SNTG2: variants seen among roughly 807,000 people sequenced by gnomAD.
The protein encoded by SNTG2 is gamma-2-syntrophin.
In SNTG2, 74 loss-of-function variants were observed where a neutral mutation model predicts 70.9. That is an observed-to-expected ratio of 1.04 (90% CI 0.86 to 1.27). The LOEUF is 1.27. Among genes scored for constraint, SNTG2 ranks in the 50% most tolerant of loss-of-function variants. SNTG2 has a pLI of 0.00. For synonymous variants in SNTG2, 278 were observed against 273.8 expected (o/e 1.02, Z -0.15); for missense variants, 717 against 690.7 (o/e 1.04, Z -0.43).
At chr2:1,249,991 TG>T (rs1226053259) in intron 12 of SNTG2, among the ~76,000 whole-genome samples, 2 of 152,162 alleles carry the variant, frequency 1.3e-5, no homozygotes, top group African/African-American at 2.4e-5. Context: ...CGCATGGCAC[TG>T]GGGTGAGGAC....
chr2:1,349,595 C>A (rs938197340), intron 16 of SNTG2, among the ~76,000 whole-genome samples: 2 of 152,190 alleles, frequency 1.3e-5, no homozygotes, highest in African/African-American at 4.8e-5. Context: ...GGGCCTGTGC[C>A]CAGGCATGAA....
At chr2:1,122,675 G>A (rs1237356731) in intron 4 of SNTG2, among the ~76,000 whole-genome samples, 2 of 145,922 alleles carry the variant, frequency 1.4e-5, no homozygotes, top group South Asian at 4.3e-4. Context: ...CAGTCTTGCC[G>A]ATTTTATTCA....
intron 16 of SNTG2, among the ~76,000 whole-genome samples, chr2:1,356,426 T>C (rs887427292): frequency 1.3e-5 from 2 of 152,246 alleles, no homozygotes; most frequent in African/African-American, 4.8e-5. Flanking sequence ...TTCACAGCAC[T>C]ATTTATTGAG....
intron 1 of SNTG2, among the ~76,000 whole-genome samples, chr2:1,073,054 T>C (rs1174399616): frequency 6.6e-6 from 1 of 152,190 alleles, no homozygotes; most frequent in Non-Finnish European, 1.5e-5. Flanking sequence ...GCAAAGAAAG[T>C]AGTTTCTTGA....
chr2:1,089,398 A>G (rs1664875205), intron 2 of SNTG2, among the ~76,000 whole-genome samples: 1 of 152,228 alleles, frequency 6.6e-6, no homozygotes, highest in Non-Finnish European at 1.5e-5. Flanking sequence ...ACACTTTGGG[A>G]GTCTGAGGCA....
intron 1 of SNTG2, among the ~76,000 whole-genome samples, chr2:1,002,361 G>A (rs2147988860): frequency 6.6e-6 from 1 of 152,192 alleles, no homozygotes; most frequent in South Asian, 2.1e-4. Context: ...CATTTAGTGA[G>A]TAACTAATAT....
chr2:1,219,982 C>G (rs1674644633), intron 9 of SNTG2: 2 of 152,204 alleles, frequency 1.3e-5, no homozygotes, highest in African/African-American at 2.4e-5. Context: ...AGTGATACTG[C>G]AAGTCAGAAT....
chr2:1,307,867 A>G (rs1680774728), intron 14 of SNTG2, among the ~76,000 whole-genome samples: 1 of 152,218 alleles, frequency 6.6e-6, no homozygotes, highest in Non-Finnish European at 1.5e-5. Context: ...GCTTCCCCTC[A>G]GAAGCGGCAC....
intron 1 of SNTG2, among the ~76,000 whole-genome samples, chr2:977,525 C>T (rs1269834834): frequency 1.3e-5 from 2 of 152,202 alleles, no homozygotes; most frequent in Non-Finnish European, 2.9e-5. Flanking sequence ...TTTTAAGGCA[C>T]CGTATCCTGC....
chr2:1,091,188 G>A (rs183599729), intron 2 of SNTG2, among the ~76,000 whole-genome samples: 2 of 152,298 alleles, frequency 1.3e-5, no homozygotes, highest in African/African-American at 4.8e-5. Flanking sequence ...GTGCTGCCAG[G>A]TGTGGAGCTG....
intron 1 of SNTG2, among the ~76,000 whole-genome samples, chr2:1,019,300 C>T (rs1253665668): frequency 6.6e-6 from 1 of 152,170 alleles, no homozygotes; most frequent in African/African-American, 2.4e-5. Context: ...TTTAATCCAT[C>T]AATGAGTGTG....
intron 14 of SNTG2, among the ~76,000 whole-genome samples, chr2:1,298,774 C>T (rs1293183581): frequency 6.6e-6 from 1 of 152,140 alleles, no homozygotes; most frequent in Non-Finnish European, 1.5e-5. Context: ...AAAGGAGATT[C>T]ACTTTTGAGT....
chr2:1,253,411 C>T (rs1677875920), intron 12 of SNTG2, among the ~76,000 whole-genome samples: 1 of 152,194 alleles, frequency 6.6e-6, no homozygotes, highest in Admixed American at 6.5e-5. Context: ...ACTGCACCAT[C>T]GTCCTTCATT....
intron 1 of SNTG2, among the ~76,000 whole-genome samples, chr2:1,008,463 A>G (rs1174419919): frequency 1.3e-5 from 2 of 152,186 alleles, no homozygotes; most frequent in South Asian, 2.1e-4. Context: ...TAACCATCAC[A>G]TGACAATCAT....
intron 1 of SNTG2, among the ~76,000 whole-genome samples, chr2:1,075,212 C>T (rs996232460): frequency 2.0e-5 from 3 of 152,156 alleles, no homozygotes; most frequent in Non-Finnish European, 4.4e-5. Context: ...GAGAAGTGCT[C>T]ACTGAGTCCC....
At chr2:960,733 T>A (rs1211433570) in intron 1 of SNTG2, among the ~76,000 whole-genome samples, 1 of 146,514 alleles carries the variant, frequency 6.8e-6, no homozygotes, top group African/African-American at 2.6e-5. Flanking sequence ...TCCTACTGCC[T>A]GCTCATGGGA....
chr2:1,224,124 G>A (rs760012988), intron 9 of SNTG2, among the ~76,000 whole-genome samples: 5 of 152,136 alleles, frequency 3.3e-5, no homozygotes, highest in Admixed American at 1.3e-4. Context: ...CACAGACCCC[G>A]TCAGGCTGCA....
At chr2:962,838 A>G (rs1044802197) in intron 1 of SNTG2, among the ~76,000 whole-genome samples, 1 of 152,210 alleles carries the variant, frequency 6.6e-6, no homozygotes, top group Non-Finnish European at 1.5e-5. Context: ...AAACAAAACA[A>G]AAAAACAGTT....
intron 9 of SNTG2, among the ~76,000 whole-genome samples, chr2:1,226,408 G>A (rs1241891985): frequency 6.6e-6 from 1 of 152,194 alleles, no homozygotes; most frequent in African/African-American, 2.4e-5. Flanking sequence ...GCAGCAGTGG[G>A]TGGGGCCGTG....
Sources: allele counts gnomAD v4.1 joint callset (sites outside exome capture counted in the v4.1 genomes callset), GRCh38; gene constraint gnomAD v4.1.1; transcripts MANE v1.5; gene names NCBI Gene and HGNC (gene_info 2026-07-23, HGNC 2026-07-21).